The following ELMOD3 variants were observed in gnomAD, a reference collection of about 807,000 sequenced individuals.
ELMOD3 encodes the protein ELMO domain-containing protein 3.
In ELMOD3, 36 loss-of-function variants were observed where a neutral mutation model predicts 47.4. The ratio of observed to expected loss-of-function variants is 0.76; its 90% CI spans 0.58 to 1.00. The LOEUF is 1.00. ELMOD3 is among the 50% of genes least tolerant of loss of function. The pLI, the probability that ELMOD3 is intolerant of heterozygous loss-of-function variation, is 0.00. For missense variants in ELMOD3, 404 were observed against 463.8 expected (o/e 0.87, Z 1.18); for synonymous variants, 149 against 183.5 (o/e 0.81, Z 1.52).
At chr2:85,385,310 G>C (rs964504368) in intron 11 of ELMOD3, among the ~76,000 whole-genome samples, 4 of 152,196 alleles carry the variant, frequency 2.6e-5, no homozygotes, top group Non-Finnish European at 4.4e-5. Context: ...TGAGCAACAA[G>C]GCTGTTTATT....
At chr2:85,362,095 A>T in intron 4 of ELMOD3, 91 bp from the exon 5 acceptor site, 1 of 867,614 alleles carries the variant, frequency 1.2e-6, no homozygotes, top group Non-Finnish European at 1.9e-6. Context: ...CCTGAACTTA[A>T]AAGTTAAAAA....
chr2:85,363,000 C>A, intron 5 of ELMOD3, 97 bp from the exon 6 acceptor site: 1 of 731,972 alleles, frequency 1.4e-6, no homozygotes, highest in Admixed American at 2.3e-5. Context: ...TTTTGGCCTC[C>A]AGTGTCAAGG....
At position 85,390,246 on chromosome 2, in the gene ELMOD3, C is replaced by T. The variant is rs189391294; in HGVS notation, c.924C>T (p.Asp308=). ...VWRTQRKTIS[D]SGFVLKELEV... ...GGACACAGCGGAAGACCATCTCAGA[C>T]TCGGGCTTTGTCCTCAAAGGTGTGC... Residue 308 remains aspartate (D), a synonymous_variant, in exon 13 of 14, where the codon GAC becomes GAT. Coordinates refer to ENST00000409013, the MANE Select transcript of ELMOD3 (RefSeq NM_001135022.2). 2.5e-5 allele frequency: 40 copies of T among 1,614,218 alleles called. No individual in the cohort carries two copies. In the East Asian group the frequency reaches 8.9e-4, roughly 36 times the overall value.
Position 85,371,492 on chromosome 2 carries a change from T to C in ELMOD3, c.537T>C (p.Tyr179=). 2 of 1,614,224 alleles carry C rather than the reference T, an allele frequency of 1.2e-6. No individual in the cohort carries two copies. Among genetic ancestry groups the C allele is most frequent in the Non-Finnish European group, 1.7e-6 (2 of 1,180,040 alleles). ...PVHGRVLQTI[Y]KKLTGSKFDC... is the part of the protein sequence containing the mutation. ...ATGGCCGAGTCCTCCAGACCATCTA[T>C]AAGAAGCTGACCGGCTCCAAGTTTG... is the stretch of plus-strand genomic sequence containing the variant. The change falls in exon 10 of 14, where the codon TAT becomes TAC. Residue 179 remains tyrosine (Y), a synonymous_variant. Coordinates refer to ENST00000409013, the MANE Select transcript of ELMOD3 (RefSeq NM_001135022.2).
In ELMOD3 at chr2:85,376,806, T is replaced by TC. The variant is rs1350553706; in HGVS notation, c.608-537dup. On this transcript the variant is annotated intron_variant, in intron 10 of 13. Coordinates refer to ENST00000409013, the MANE Select transcript of ELMOD3 (RefSeq NM_001135022.2). The surrounding 1 kb of genome is among the most constrained non-coding windows in gnomAD (Gnocchi z 4.2). ...AGCAGCTTTCCTTGGGGCTTTTTGG[T>TC]CTGCTCCCATTGGCATTTCTGGGTT... 1 of 152,224 alleles carries TC rather than the reference T, an allele frequency of 6.6e-6. No individual in the cohort carries two copies. Among genetic ancestry groups the TC allele is most frequent in the East Asian group, 1.9e-4 (1 of 5,188 alleles). 9.4% of individuals were successfully genotyped at this position (152,224 alleles called of 1,614,324 possible). A position where few individuals can be genotyped will look rare whatever the true frequency, so the allele number is the denominator to read the frequency against.
intron 6 of ELMOD3, among the ~76,000 whole-genome samples, chr2:85,367,031 G>A (rs1385119470): frequency 6.6e-6 from 1 of 152,174 alleles, no homozygotes; most frequent in Middle Eastern, 3.2e-3. Flanking sequence ...AGGGCCGGAT[G>A]GTGGCTCTAG....
intron 6 of ELMOD3, chr2:85,368,299 G>A (rs897853289): frequency 2.5e-5 from 5 of 199,880 alleles, no homozygotes; most frequent in Admixed American, 1.1e-4. Context: ...GTGGTAGTGC[G>A]TGCCTGTAGT....
intron 11 of ELMOD3, among the ~76,000 whole-genome samples, chr2:85,379,804 G>A (rs967557042): frequency 6.6e-6 from 1 of 152,086 alleles, no homozygotes; most frequent in African/African-American, 2.4e-5. Context: ...TTATATAGAA[G>A]GAATCTCAGG....
chr2:85,354,851 C>G (rs1683434481), intron 1 of ELMOD3, 22 bp downstream of exon 1: 1 of 209,902 alleles, frequency 4.8e-6, no homozygotes, highest in African/African-American at 2.3e-5. Context: ...TTAACACTTG[C>G]CAAGGGGAGT....
chr2:85,390,666 G>A, intron 13 of ELMOD3, 94 bp from the exon 14 acceptor site: 19 of 1,501,204 alleles, frequency 1.3e-5, no homozygotes, highest in Non-Finnish European at 1.6e-5. Context: ...TAGGGGTTGG[G>A]GGTACTCCCT....
intron 6 of ELMOD3, among the ~76,000 whole-genome samples, chr2:85,366,257 C>A (rs985192943): frequency 2.0e-5 from 3 of 152,048 alleles, no homozygotes; most frequent in African/African-American, 7.2e-5. Flanking sequence ...AGGCGTGAGC[C>A]ACCGCACCCG....
intron 6 of ELMOD3, among the ~76,000 whole-genome samples, chr2:85,366,593 C>T (rs559025359): frequency 2.0e-5 from 3 of 152,248 alleles, no homozygotes; most frequent in Non-Finnish European, 2.9e-5. Flanking sequence ...ATCCTCACAA[C>T]AGCCCCATGA....
At chr2:85,357,502 A>T (rs1306918810) in intron 4 of ELMOD3, 3 of 353,142 alleles carry the variant, frequency 8.5e-6, no homozygotes, top group Non-Finnish European at 1.5e-5. Flanking sequence ...TTGAGGAATC[A>T]CCCAAGAAAT....
chr2:85,357,338 G>T, intron 4 of ELMOD3, 86 bp downstream of exon 4: 1 of 916,014 alleles, frequency 1.1e-6, no homozygotes, highest in South Asian at 1.8e-5. Flanking sequence ...GAGAATATTT[G>T]GAAAAATTTA....
intron 7 of ELMOD3, among the ~76,000 whole-genome samples, 180 bp from the exon 8 acceptor site, chr2:85,369,557 AAG>A (rs1169935938): frequency 6.6e-6 from 1 of 152,186 alleles, no homozygotes; most frequent in Non-Finnish European, 1.5e-5. Flanking sequence ...CTCGTCCAAA[AAG>A]AGAGTCCTCT....
At position 85,377,719 on chromosome 2, in the gene ELMOD3, C is replaced by T. The variant is rs926456092; in HGVS notation, c.738+245C>T. Among the ~76,000 whole-genome samples the T allele has an allele frequency of 6.6e-5, 10 of 152,336 alleles. No individual in the cohort carries two copies. In the East Asian group the frequency reaches 1.3e-3, roughly 21 times the overall value. On this transcript the variant is annotated intron_variant, in intron 11 of 13. Transcript: ENST00000409013. ...CATAGTGTTGTTAGAAATGCTTGTT[C>T]TTTGGTGCCGTAAAGAAATAGCACT...
Position 85,357,048 on chromosome 2 carries a change from G to A in ELMOD3, c.-151G>A, listed in dbSNP as rs144581234. 477 of 583,856 alleles carry A rather than the reference G, an allele frequency of 8.2e-4. No individual in the cohort carries two copies. Among genetic ancestry groups the A allele is most frequent in the African/African-American group, 8.2e-3 (422 of 51,764 alleles). 36.2% of individuals were successfully genotyped at this position (583,856 alleles called of 1,614,324 possible). ...CACCCTCGGATGGCACAAAGGGACT[G>A]TTTTCTTACTCTTAGTCTGAGTGAC... On this transcript the variant is annotated 5_prime_UTR_variant, in exon 4 of 14. Coordinates refer to ENST00000409013, the MANE Select transcript of ELMOD3 (RefSeq NM_001135022.2).
intron 6 of ELMOD3, among the ~76,000 whole-genome samples, chr2:85,365,108 T>C (rs996655208): frequency 2.7e-5 from 4 of 148,054 alleles, no homozygotes; most frequent in Non-Finnish European, 6.0e-5. Flanking sequence ...TGTGCCTATA[T>C]CTCTGGCTAA....
chr2:85,367,916 C>G (rs554300318), intron 6 of ELMOD3, among the ~76,000 whole-genome samples: 1 of 141,352 alleles, frequency 7.1e-6, no homozygotes, highest in African/African-American at 2.6e-5. Flanking sequence ...CTTTTCTTTT[C>G]TTTTTTTTTT....
Sources: gnomAD v4.1 joint callset for allele counts (sites outside exome capture counted in the v4.1 genomes callset) on GRCh38, gnomAD v4.1.1 for gene constraint, Gnocchi (gnomAD v3.1) non-coding constraint, MANE v1.5 for transcripts, NCBI Gene and HGNC (gene_info 2026-07-23, HGNC 2026-07-21) for gene names.